CFH: variants seen among roughly 807,000 people sequenced by gnomAD.
CFH encodes the protein H factor 1 (complement).
A neutral mutation model predicts 147.3 loss-of-function variants in CFH; 53 were observed. The observed-to-expected ratio is 0.36, with a 90% CI of 0.29 to 0.45. The LOEUF (loss-of-function observed/expected upper bound fraction) is 0.45. CFH is among the 20% of genes least tolerant of loss of function. The probability of loss-of-function intolerance (pLI) is 1.00; values close to 1 mark genes in which losing one functional copy is unlikely to be tolerated. For missense variants in CFH, 1,380 were observed against 1,498.0 expected, an observed-to-expected ratio of 0.92 and a Z score of 1.30; for synonymous variants, 536 against 489.4, an observed-to-expected ratio of 1.10 and a Z score of -1.26.
At chr1:196,720,198 G>T (rs1488150941) in intron 11 of CFH, among the ~76,000 whole-genome samples, 1 of 151,722 alleles carries the variant, frequency 6.6e-6, no homozygotes, top group African/African-American at 2.4e-5. Context: ...TTATTCTCGG[G>T]ATCCTCCCCA....
Position 196,673,078 on chromosome 1 carries a change from C to A in CFH, c.159C>A (p.Arg53=). 1.2e-6 allele frequency: 2 copies of A among 1,613,924 alleles called. No individual in the cohort carries two copies. Among genetic ancestry groups the A allele is most frequent in the Non-Finnish European group, 1.7e-6 (2 of 1,179,888 alleles). Residue 53 remains arginine (R), a synonymous_variant, in exon 2 of 22, where the codon CGC becomes CGA. Transcript: ENST00000367429. ...GCACCCAGGCTATCTATAAATGCCG[C>A]CCTGGATATAGATCTCTTGGAAATG... The part of the protein sequence containing the change: ...PEGTQAIYKC[R]PGYRSLGNVI...
At position 196,657,687 on chromosome 1, in the gene CFH, G is replaced by A. The variant is rs181013263; in HGVS notation, c.58+5512G>A. 3.3e-5 allele frequency among the ~76,000 whole-genome samples: 5 copies of A among 152,134 alleles called. No individual in the cohort carries two copies. The East Asian group carries it at 9.6e-4, about 29-fold the overall frequency. ...TACCTATTTTTGCTATTTCTGTTTT[G>A]TTCATTTGCTTTATTTTTTTCCAAA... On this transcript the variant is annotated intron_variant, in intron 1 of 21. Coordinates refer to ENST00000367429, the MANE Select transcript of CFH (RefSeq NM_000186.4).
intron 11 of CFH, among the ~76,000 whole-genome samples, chr1:196,718,957 T>C (rs1008400093): frequency 1.3e-5 from 2 of 152,086 alleles, no homozygotes; most frequent in Admixed American, 1.3e-4. Context: ...AACAGAAAAC[T>C]GCATGTGGAT....
At chr1:196,703,267 C>T (rs79360211) in intron 9 of CFH, among the ~76,000 whole-genome samples, 1,644 of 152,236 alleles carry the variant, frequency 0.011, 32 homozygotes, top group African/African-American at 0.036. Context: ...CCAATAAAAA[C>T]GGACATCCCA....
intron 9 of CFH, among the ~76,000 whole-genome samples, chr1:196,706,480 C>T (rs74918054): frequency 2.1e-3 from 316 of 151,848 alleles, no homozygotes; most frequent in African/African-American, 7.3e-3. Context: ...CTTCCTAATG[C>T]CATTAATCCC....
rs549213437 is a variant in CFH, at chr1:196,658,407, A to ATTTTTTTTTTTT, written c.58+6243_58+6254dup. On this transcript the variant is annotated intron_variant, in intron 1 of 21. Coordinates refer to ENST00000367429, the MANE Select transcript of CFH (RefSeq NM_000186.4). The stretch of plus-strand genomic sequence containing the variant: ...GGATTACAGCCACCTTGCTCAGGTA[A>ATTTTTTTTTTTT]TTTTTTTTTTTTTTTTTTTTTTGAG... Among the ~76,000 whole-genome samples the ATTTTTTTTTTTT allele has an allele frequency of 4.8e-3, 441 of 92,226 alleles. 48 individuals carry two copies. The highest frequency in any genetic ancestry group is 0.019 in the African/African-American group (361 of 19,082). 60.5% of individuals were successfully genotyped at this position (92,226 alleles called of 152,430 possible).
At chr1:196,677,386 C>G in intron 4 of CFH, 90 bp from the exon 5 acceptor site, 1 of 1,203,952 alleles carries the variant, frequency 8.3e-7, no homozygotes, top group Non-Finnish European at 1.2e-6. Context: ...TTCCTCCAAT[C>G]TTATCCTGAG....
intron 15 of CFH, among the ~76,000 whole-genome samples, 190 bp from the exon 16 acceptor site, chr1:196,736,634 C>G (rs1669409238): frequency 6.6e-6 from 1 of 151,902 alleles, no homozygotes; most frequent in East Asian, 1.9e-4. Context: ...AACTGTTACA[C>G]AGCTGAAAAG....
chr1:196,736,887 C>T lies in CFH; in HGVS notation c.2477C>T (p.Thr826Ile). 3 of 1,607,942 alleles carry T rather than the reference C, an allele frequency of 1.9e-6. No homozygotes were observed. The highest frequency in any genetic ancestry group is 2.5e-6 in the Non-Finnish European group (3 of 1,176,524). Reference sequence around the variant, plus strand: ...CCCAATTCTCACAATATGACAACCACACTGAATTATCGGGATGGAGAAAAA... The same window carrying T: ...CCCAATTCTCACAATATGACAACCATACTGAATTATCGGGATGGAGAAAAA... ...QIPNSHNMTT[T>I]LNYRDGEKVS... The change falls in exon 16 of 22, where the codon ACA (threonine) becomes ATA (isoleucine). Residue 826 changes from threonine (T) to isoleucine (I), a missense_variant. By Grantham distance (89) the Thr-to-Ile change is moderately conservative. This residue lies in a region of CFH where 830 missense variants were observed against 821.4 expected (regional missense o/e 1.01). Transcript: ENST00000367429.
chr1:196,692,784 TTC>T (rs1413406593), intron 9 of CFH, among the ~76,000 whole-genome samples: 8 of 90,330 alleles, frequency 8.9e-5, no homozygotes, highest in South Asian at 3.6e-4. Context: ...CTTTCTTTCT[TTC>T]TTTCTTTCTT....
chr1:196,711,843 T>G (rs1668730071), intron 9 of CFH, among the ~76,000 whole-genome samples: 1 of 152,146 alleles, frequency 6.6e-6, no homozygotes, highest in Non-Finnish European at 1.5e-5. Flanking sequence ...TTGTCCATTC[T>G]TGGGGAGTTT....
chr1:196,693,191 G>GA (rs1397806540), intron 9 of CFH, among the ~76,000 whole-genome samples: 2 of 151,928 alleles, frequency 1.3e-5, no homozygotes, highest in Admixed American at 6.6e-5. Flanking sequence ...AGAATATGCA[G>GA]AAAAAATTAA....
At chr1:196,745,698 C>G in intron 20 of CFH, 119 bp from the exon 21 acceptor site, 1 of 1,403,414 alleles carries the variant, frequency 7.1e-7, no homozygotes, top group Non-Finnish European at 1.0e-6. Flanking sequence ...TCATTTCTTT[C>G]ACCAGAAATC....
rs567888096 is a variant in CFH at position 196,692,792 on chromosome 1, TTC to T, written c.1336+2555_1336+2556del. Among the ~76,000 whole-genome samples, 371 of 101,444 alleles carry T rather than the reference TTC, an allele frequency of 3.7e-3. 1 individual carries two copies. The highest frequency in any genetic ancestry group is 5.2e-3 in the South Asian group (16 of 3,072). The allele number at this position is 101,444 out of a possible 152,430, so 66.6% of individuals were successfully genotyped here. On this transcript the variant is annotated intron_variant, in intron 9 of 21. Transcript: ENST00000367429. Reference sequence around the variant, plus strand: ...TTTCTTTCTTTCTTTCTTTCTTTCTTTCTTTCTTTCTTTCTTTCTTTCTTTCT... The same window carrying T: ...TTTCTTTCTTTCTTTCTTTCTTTCTTTTTCTTTCTTTCTTTCTTTCTTTCT...
At position 196,715,586 on chromosome 1, in the gene CFH, G is replaced by A. The variant is rs761671331; in HGVS notation, c.1520-7G>A. ...AGAAATGACATTCTAAATTTTTTATGCACTAGAATCTTGTGATATCCCAGT... is the reference window on the plus strand; with the variant it reads ...AGAAATGACATTCTAAATTTTTTATACACTAGAATCTTGTGATATCCCAGT... On this transcript the variant is annotated splice_polypyrimidine_tract_variant and splice_region_variant and intron_variant, in intron 10 of 21. Coordinates refer to ENST00000367429, the MANE Select transcript of CFH (RefSeq NM_000186.4). 3 of 1,603,522 alleles carry A rather than the reference G, an allele frequency of 1.9e-6. No individual in the cohort carries two copies. Among genetic ancestry groups the A allele is most frequent in the African/African-American group, 2.7e-5 (2 of 74,574 alleles).
At chr1:196,692,051 A>G (rs10922093) in intron 9 of CFH, among the ~76,000 whole-genome samples, 32,474 of 151,976 alleles carry the variant, frequency 0.21, 4,378 homozygotes, top group East Asian at 0.51. Context: ...CACACACACA[A>G]TAACTATTAC....
rs1365113881 is a variant in CFH at position 196,689,550 on chromosome 1, A to G, written c.1095A>G (p.Ser365=). Residue 365 remains serine (S), a synonymous_variant, in exon 8 of 22, where the codon TCA becomes TCG. Transcript: ENST00000367429. ...YYCDEHFETP[S]GSYWDHIHCT... is the part of the protein sequence containing the mutation. ...GTGATGAACATTTTGAGACTCCGTC[A>G]GGAAGTTACTGGGATCACATTCATT... The G allele has an allele frequency of 8.1e-6, 13 of 1,613,536 alleles. No individual in the cohort carries two copies. The highest frequency in any genetic ancestry group is 1.3e-5 in the African/African-American group (1 of 74,896).
chr1:196,728,517 G>A lies in CFH; in HGVS notation c.2408G>A (p.Cys803Tyr). ...INGRWDPEVN[C>Y]SMAQIQLCPP... ...GGAAGATGGGATCCAGAAGTGAACT[G>A]CTCAAGTAAGCTCTTATTTTGTTTT... is the stretch of plus-strand genomic sequence containing the variant. The change falls in exon 15 of 22, where the codon TGC becomes TAC. Residue 803 changes from cysteine to tyrosine, a missense_variant. Physicochemically the swap from Cys to Tyr is radical, Grantham distance 194. Transcript: ENST00000367429. 1.2e-6 allele frequency: 2 copies of A among 1,612,294 alleles called. No homozygotes were observed. The highest frequency in any genetic ancestry group is 1.7e-6 in the Non-Finnish European group (2 of 1,178,758).
chr1:196,683,633 A>G (rs1483963354), intron 6 of CFH, among the ~76,000 whole-genome samples: 1 of 151,728 alleles, frequency 6.6e-6, no homozygotes, highest in Non-Finnish European at 1.5e-5. Context: ...GAAGGAATAA[A>G]CAATGGTTTA....
Sources: gnomAD v4.1 joint callset for allele counts (sites outside exome capture counted in the v4.1 genomes callset) on GRCh38, gnomAD v4.1.1 for gene constraint, gnomAD v4.1.1 regional missense constraint, MANE v1.5 for transcripts, NCBI Gene and HGNC (gene_info 2026-07-23, HGNC 2026-07-21) for gene names.